Variants in SUGP1 observed in about 807,000 individuals in gnomAD.
SUGP1 encodes SURP and G-patch domain containing 1.
In SUGP1, 34 loss-of-function variants were observed where a neutral mutation model predicts 76.5. The ratio of observed to expected loss-of-function variants is 0.44; its 90% CI spans 0.34 to 0.59. The LOEUF (loss-of-function observed/expected upper bound fraction) is 0.59. Among genes scored for constraint, SUGP1 ranks in the 20% least tolerant of loss-of-function variants. SUGP1 has a pLI of 0.01. For missense variants in SUGP1, 752 were observed against 851.7 expected (o/e 0.88, Z 1.46); for synonymous variants, 326 against 326.2 (o/e 1.00, Z 0.01).
intron 2 of SUGP1, among the ~76,000 whole-genome samples, chr19:19,313,300 CAGA>C (rs1433763251): frequency 1.3e-5 from 2 of 152,100 alleles, no homozygotes; most frequent in Non-Finnish European, 2.9e-5. Flanking sequence ...GAGGCTGAGA[CAGA>C]AGAATCACTT....
chr19:19,303,762 T>C lies in SUGP1; in HGVS notation c.624A>G (p.Lys208=). Residue 208 remains lysine (K), a synonymous_variant, in exon 5 of 14, where the codon AAA becomes AAG. Coordinates refer to ENST00000247001, the MANE Select transcript of SUGP1 (RefSeq NM_172231.4). ...FVAEGGPELE[K]VAMEDYKDNP... is the part of the protein sequence containing the mutation. Reference sequence around the variant, plus strand: ...TATCCTTGTAGTCCTCCATAGCTACTTTTTCTAACTCGGGGCCTCCTTCTG... The same window carrying C: ...TATCCTTGTAGTCCTCCATAGCTACCTTTTCTAACTCGGGGCCTCCTTCTG... 1 of 1,614,228 alleles carries C rather than the reference T, an allele frequency of 6.2e-7. No homozygotes were observed. Among genetic ancestry groups the C allele is most frequent in the African/African-American group, 1.3e-5 (1 of 75,062 alleles).
At chr19:19,308,521 G>A (rs1035405346) in intron 3 of SUGP1, among the ~76,000 whole-genome samples, 4 of 152,256 alleles carry the variant, frequency 2.6e-5, no homozygotes, top group African/African-American at 9.6e-5. Flanking sequence ...GGTGGTACCC[G>A]ATGAACACTA....
chr19:19,277,967 T>G (rs764152501), intron 11 of SUGP1, 88 bp from the exon 12 acceptor site: 17 of 1,523,792 alleles, frequency 1.1e-5, no homozygotes, highest in South Asian at 3.6e-5. Flanking sequence ...TTTCAATCAG[T>G]GCTGGGACCA....
At chr19:19,305,129 G>A (rs755118446) in intron 4 of SUGP1, among the ~76,000 whole-genome samples, 2 of 152,162 alleles carry the variant, frequency 1.3e-5, no homozygotes, top group Admixed American at 6.5e-5. Flanking sequence ...CCTCTGATCC[G>A]CTCGGACACA....
intron 7 of SUGP1, among the ~76,000 whole-genome samples, chr19:19,300,605 T>C (rs765208476): frequency 2.0e-5 from 3 of 152,212 alleles, no homozygotes; most frequent in Non-Finnish European, 4.4e-5. Context: ...GGAGCAAACC[T>C]GCACACCCTG....
chr19:19,318,102 A>C (rs1320805335), intron 1 of SUGP1, among the ~76,000 whole-genome samples: 41 of 115,146 alleles, frequency 3.6e-4, no homozygotes, highest in Middle Eastern at 6.5e-3. Flanking sequence ...TGAGCCACCG[A>C]ACCCAGCCTT....
chr19:19,278,017 G>A (rs1019947165), intron 11 of SUGP1, 138 bp from the exon 12 acceptor site: 3 of 1,066,496 alleles, frequency 2.8e-6, no homozygotes, highest in Admixed American at 2.5e-5. Flanking sequence ...CAGACTCCTT[G>A]AGAACAAACA....
chr19:19,303,545 G>A (rs940038715), intron 5 of SUGP1, 97 bp from the exon 6 acceptor site: 24 of 1,366,784 alleles, frequency 1.8e-5, no homozygotes, highest in South Asian at 3.6e-5. Flanking sequence ...GCAGGCTGGC[G>A]AGCAGGGACC....
intron 8 of SUGP1, among the ~76,000 whole-genome samples, chr19:19,294,010 C>T (rs1174368792): frequency 1.3e-5 from 2 of 151,660 alleles, no homozygotes; most frequent in African/African-American, 2.4e-5. Flanking sequence ...CATAGTGGGA[C>T]CTCATATCGA....
chr19:19,297,205 G>T lies in SUGP1; in HGVS notation c.1027C>A (p.Leu343Met). 6.2e-7 allele frequency: 1 copy of T among 1,604,688 alleles called. No homozygotes were observed. The highest frequency in any genetic ancestry group is 8.5e-7 in the Non-Finnish European group (1 of 1,172,652). Residue 343 changes from leucine (L) to methionine (M), a missense_variant, in exon 8 of 14, where the codon CTG becomes ATG. By Grantham distance (15) the Leu-to-Met change is conservative (BLOSUM62 2). This residue lies in a region of SUGP1 where 620 missense variants were observed against 617.3 expected (regional missense o/e 1.00). Coordinates refer to ENST00000247001, the MANE Select transcript of SUGP1 (RefSeq NM_172231.4). ...GTGGCTGGGGGTAAGGACCCTGACA[G>T]GGCCTCAGGAGGGGACTTGCGCTTC... ...GLKRKSPPEA[L>M]SGSLPPATTC...
At chr19:19,284,899 A>C (rs1599847789) in intron 8 of SUGP1, among the ~76,000 whole-genome samples, 1 of 145,498 alleles carries the variant, frequency 6.9e-6, no homozygotes, top group African/African-American at 2.6e-5. Context: ...TTTTAGATGG[A>C]GTCTCGCTCT....
intron 2 of SUGP1, among the ~76,000 whole-genome samples, chr19:19,312,490 A>G (rs770860988): frequency 2.6e-5 from 4 of 152,120 alleles, no homozygotes; most frequent in Non-Finnish European, 5.9e-5. Flanking sequence ...GATGTACCCA[A>G]TGGTGCAAAA....
chr19:19,297,729 G>C (rs1232397650), intron 7 of SUGP1, among the ~76,000 whole-genome samples: 1 of 152,230 alleles, frequency 6.6e-6, no homozygotes, highest in African/African-American at 2.4e-5. Flanking sequence ...ACACGAGACA[G>C]GGCAGAGGGA....
chr19:19,288,927 A>C (rs1019928299), intron 8 of SUGP1, among the ~76,000 whole-genome samples: 2 of 152,052 alleles, frequency 1.3e-5, no homozygotes, highest in African/African-American at 4.8e-5. Flanking sequence ...CTGGGATTAC[A>C]GGCATGTGCC....
intron 5 of SUGP1, 46 bp downstream of exon 5, chr19:19,303,678 C>A (rs961758228): frequency 8.1e-6 from 13 of 1,608,826 alleles, no homozygotes; most frequent in Non-Finnish European, 1.0e-5. Flanking sequence ...GACTGTGCAG[C>A]AAACGCATTC....
rs375565796 is a variant in SUGP1, at chr19:19,303,828, G to A, written c.558C>T (p.Ala186=). 39 of 1,613,858 alleles carry A rather than the reference G, an allele frequency of 2.4e-5. No homozygotes were observed. Among genetic ancestry groups the A allele is most frequent in the East Asian group, 4.5e-5 (2 of 44,884 alleles). ...LEIKVSPPEG[A]ETRKVIEKLA... ...ATTTCTCTATCACTTTCCGAGTCTC[G>A]GCTCCCTCTGGGGGTGAAACTTTAA... Residue 186 remains alanine (A), a synonymous_variant, in exon 5 of 14, where the codon GCC becomes GCT. Coordinates refer to ENST00000247001, the MANE Select transcript of SUGP1 (RefSeq NM_172231.4).
intron 4 of SUGP1, 107 bp from the exon 5 acceptor site, chr19:19,303,954 T>C (rs749364425): frequency 3.0e-5 from 48 of 1,599,622 alleles, no homozygotes; most frequent in Non-Finnish European, 3.9e-5. Flanking sequence ...GAGAAGAGTG[T>C]GAGATGCAGG....
Position 19,302,319 on chromosome 19 carries a change from C to G in SUGP1, c.833G>C (p.Gly278Ala). 3 of 1,614,082 alleles carry G rather than the reference C, an allele frequency of 1.9e-6. No homozygotes were observed. The highest frequency in any genetic ancestry group is 2.5e-6 in the Non-Finnish European group (3 of 1,179,928). Residue 278 changes from glycine to alanine, a missense_variant, in exon 7 of 14, where the codon GGT (glycine) becomes GCT (alanine). Gly to Ala is a moderately conservative substitution (Grantham distance 60). Around this residue, in one of 2 missense-constraint regions of SUGP1, gnomAD observed 620 missense variants for 617.3 expected, o/e 1.00. Transcript: ENST00000247001. ...EKLARFIADGGPEVETIALQN... is the reference protein window; with the variant it reads ...EKLARFIADGAPEVETIALQN... Reference sequence around the variant, plus strand: ...GAGGGCAATGGTTTCCACCTCGGGACCCCCGTCCGCTATGAACCTGGCCAA... The same window carrying G: ...GAGGGCAATGGTTTCCACCTCGGGAGCCCCGTCCGCTATGAACCTGGCCAA...
At chr19:19,282,262 G>A (rs755787427) in intron 8 of SUGP1, among the ~76,000 whole-genome samples, 3 of 151,410 alleles carry the variant, frequency 2.0e-5, no homozygotes, top group African/African-American at 7.3e-5. Flanking sequence ...TTACAGGCGT[G>A]AGCCACCACA....
Sources: allele counts gnomAD v4.1 joint callset (sites outside exome capture counted in the v4.1 genomes callset), GRCh38; gene constraint gnomAD v4.1.1; regional missense constraint gnomAD v4.1.1; transcripts MANE v1.5; gene names NCBI Gene and HGNC (gene_info 2026-07-23, HGNC 2026-07-21).